Variants in OPRM1 observed in about 807,000 individuals in gnomAD.
OPRM1 encodes the protein opioid receptor mu 1.
A neutral mutation model predicts 31.8 loss-of-function variants in OPRM1; 27 were observed. The observed-to-expected ratio is 0.85, with a 90% CI of 0.63 to 1.17. OPRM1 has a LOEUF of 1.17. Among genes scored for constraint, OPRM1 ranks in the 50% most tolerant of loss-of-function variants. The probability of loss-of-function intolerance (pLI) is 0.00; values close to 1 mark genes in which losing one functional copy is unlikely to be tolerated. For synonymous variants in OPRM1, 196 were observed against 189.9 expected, an observed-to-expected ratio of 1.03 and a Z score of -0.26; for missense variants, 536 against 511.1, an observed-to-expected ratio of 1.05 and a Z score of -0.47.
At chr6:154,019,633 G>A (rs570834548) in intron 1 of OPRM1, among the ~76,000 whole-genome samples, 4 of 151,938 alleles carry the variant, frequency 2.6e-5, no homozygotes, top group Admixed American at 6.6e-5. Flanking sequence ...ATGTCATATG[G>A]TTGAAGTCAC....
chr6:154,195,381 T>TCA (rs1776527809), intron 3 of OPRM1, among the ~76,000 whole-genome samples: 1 of 152,012 alleles, frequency 6.6e-6, no homozygotes, highest in African/African-American at 2.4e-5. Flanking sequence ...TCTCCTGACC[T>TCA]TGTGATCCGC....
At chr6:154,020,688 C>T (rs891542972) in intron 1 of OPRM1, among the ~76,000 whole-genome samples, 1 of 152,122 alleles carries the variant, frequency 6.6e-6, no homozygotes, top group African/African-American at 2.4e-5. Context: ...GAGTTCTTAC[C>T]GCACCAGCAT....
intron 3 of OPRM1, among the ~76,000 whole-genome samples, chr6:154,178,180 C>G (rs1156908403): frequency 1.3e-5 from 2 of 152,030 alleles, no homozygotes; most frequent in African/African-American, 4.8e-5. Context: ...AGGAGAAATA[C>G]CTAATGTAAA....
chr6:154,213,664 A>T (rs1778146421), intron 3 of OPRM1, among the ~76,000 whole-genome samples: 1 of 152,152 alleles, frequency 6.6e-6, no homozygotes, highest in Admixed American at 6.5e-5. Context: ...TGGCAGCTAA[A>T]TCCTCCCTCT....
intron 3 of OPRM1, among the ~76,000 whole-genome samples, chr6:154,117,850 A>C (rs1473886881): frequency 1.5e-5 from 1 of 66,036 alleles, no homozygotes; most frequent in African/African-American, 4.7e-5. Context: ...CAAATGGCTT[A>C]AAAAGATGGT....
chr6:154,196,418 A>T (rs977293845), intron 3 of OPRM1, among the ~76,000 whole-genome samples: 1 of 151,488 alleles, frequency 6.6e-6, no homozygotes, highest in Non-Finnish European at 1.5e-5. Context: ...ACAATGTTTT[A>T]TTTTTTTTAA....
chr6:154,135,006 G>A (rs558819068), downstream of OPRM1, among the ~76,000 whole-genome samples: 7 of 152,318 alleles, frequency 4.6e-5, no homozygotes, highest in Admixed American at 4.6e-4. Flanking sequence ...GAGCCAGTCT[G>A]GTGGCCAGCC....
intron 3 of OPRM1, among the ~76,000 whole-genome samples, chr6:154,201,944 C>G (rs769980325): frequency 2.6e-5 from 4 of 152,078 alleles, no homozygotes; most frequent in African/African-American, 9.7e-5. Flanking sequence ...GGAAGGTTGA[C>G]AGAGAGAGGA....
rs1429135400 is a variant in OPRM1 at position 154,203,969 on chromosome 6, G to A, written c.1165-42724G>A. ...TACAATGCAAATAGCCTGACAAAAT[G>A]TTCTCATAACCTCAGATAAAAGTAT... On this transcript the variant is annotated intron_variant, in intron 3 of 3. Coordinates refer to the OPRM1 transcript ENST00000337049. Among the ~76,000 whole-genome samples, 6 of 152,120 alleles carry A rather than the reference G, an allele frequency of 3.9e-5. No homozygotes were observed. The East Asian group carries it at 9.6e-4, about 24-fold the overall frequency.
rs1797466502 is a variant in OPRM1, at chr6:154,124,377, T to C, written c.*5656T>C. ...TTTAATATACTTTTTCAACTCACTT[T>C]GCATTTCCTGTTACCTTGTACTGAG... On this transcript the variant is annotated 3_prime_UTR_variant, in exon 4 of 4. Transcript: ENST00000330432. 1.3e-5 allele frequency among the ~76,000 whole-genome samples: 2 copies of C among 152,252 alleles called. No individual in the cohort carries two copies. The highest frequency in any genetic ancestry group is 4.8e-5 in the African/African-American group (2 of 41,474).
chr6:154,145,837 A>C (rs1252690442), intron 3 of OPRM1, among the ~76,000 whole-genome samples: 1 of 152,272 alleles, frequency 6.6e-6, no homozygotes, highest in Non-Finnish European at 1.5e-5. Flanking sequence ...ACATAAATAC[A>C]CCAAACTTAT....
chr6:154,016,776 G>A (rs747035794), intron 1 of OPRM1, among the ~76,000 whole-genome samples: 5 of 152,176 alleles, frequency 3.3e-5, no homozygotes, highest in Non-Finnish European at 5.9e-5. Flanking sequence ...AAACACATAC[G>A]TGTGGACTGT....
chr6:154,145,757 T>C (rs538824542), intron 3 of OPRM1, among the ~76,000 whole-genome samples: 1 of 152,368 alleles, frequency 6.6e-6, no homozygotes, highest in South Asian at 2.1e-4. Context: ...GAATCAAAGA[T>C]GTGCGGTATT....
At chr6:154,213,829 C>G (rs1416406686) in intron 3 of OPRM1, among the ~76,000 whole-genome samples, 2 of 152,128 alleles carry the variant, frequency 1.3e-5, no homozygotes, top group Non-Finnish European at 2.9e-5. Flanking sequence ...CAGTACACAC[C>G]TGGTGGAAAT....
chr6:154,017,490 G>T (rs1220016420), intron 1 of OPRM1, among the ~76,000 whole-genome samples: 3 of 152,134 alleles, frequency 2.0e-5, no homozygotes, highest in Non-Finnish European at 4.4e-5. Flanking sequence ...GCTCTCTGAA[G>T]GCATTCACTC....
At chr6:154,147,463 G>A (rs1466708333) in intron 3 of OPRM1, among the ~76,000 whole-genome samples, 1 of 152,036 alleles carries the variant, frequency 6.6e-6, no homozygotes, top group Non-Finnish European at 1.5e-5. Context: ...CTGCTGTTTG[G>A]TGTCCCAGGC....
At chr6:154,135,211 A>G (rs535876136), downstream of OPRM1, among the ~76,000 whole-genome samples, 1 of 152,326 alleles carries the variant, frequency 6.6e-6, no homozygotes, top group East Asian at 1.9e-4. Flanking sequence ...GCTCATGCCT[A>G]TAATCCCAGC....
chr6:154,173,468 A>C (rs1253053564), intron 3 of OPRM1, among the ~76,000 whole-genome samples: 1 of 152,190 alleles, frequency 6.6e-6, no homozygotes, highest in Non-Finnish European at 1.5e-5. Context: ...AGTGTAGAGA[A>C]GAGTTTAAAT....
At chr6:154,213,739 G>C (rs1365191767) in intron 3 of OPRM1, among the ~76,000 whole-genome samples, 2 of 152,126 alleles carry the variant, frequency 1.3e-5, no homozygotes, top group African/African-American at 4.8e-5. Context: ...AACCCTGAAA[G>C]CTACCGACTG....
Sources: gnomAD v4.1 joint callset for allele counts (sites outside exome capture counted in the v4.1 genomes callset) on GRCh38, gnomAD v4.1.1 for gene constraint, MANE v1.5 for transcripts, NCBI Gene and HGNC (gene_info 2026-07-23, HGNC 2026-07-21) for gene names.